Variants in LRRC4C observed in about 807,000 individuals in gnomAD.
The protein encoded by LRRC4C is leucine-rich repeat-containing protein 4C.
LRRC4C carries 5 observed loss-of-function variants against 33.6 expected under a neutral mutation model. The observed-to-expected ratio is 0.15, with a 90% CI of 0.08 to 0.31. The LOEUF is 0.31. LRRC4C is among the 10% of genes least tolerant of loss of function. The pLI, the probability that LRRC4C is intolerant of heterozygous loss-of-function variation, is 1.00. For missense variants in LRRC4C, 560 were observed against 796.7 expected, an observed-to-expected ratio of 0.70 and a Z score of 3.58; for synonymous variants, 329 against 302.0, an observed-to-expected ratio of 1.09 and a Z score of -0.93.
intron 1 of LRRC4C, among the ~76,000 whole-genome samples, chr11:41,106,813 T>C (rs1941524892): frequency 6.6e-6 from 1 of 151,796 alleles, no homozygotes; most frequent in African/African-American, 2.4e-5. Flanking sequence ...CCCAGGAGAT[T>C]GAGAACAGCC....
intron 3 of LRRC4C, among the ~76,000 whole-genome samples, chr11:40,640,877 G>A (rs1051136762): frequency 2.0e-5 from 3 of 151,958 alleles, no homozygotes; most frequent in Admixed American, 6.6e-5. Context: ...TCAGCCGGGC[G>A]TGGTGGCGGG....
rs1165446076 is a variant in LRRC4C at position 40,947,053 on chromosome 11, AT to A, written c.-495-13331del. On this transcript the variant is annotated intron_variant, in intron 1 of 6. Transcript: ENST00000528697. ...AGCGAAGTTAAGGCAGAAGTCGTAC[AT>A]TTTTTTTCTTTATCAGAGAAAGTTC... is the stretch of plus-strand genomic sequence containing the variant. Among the ~76,000 whole-genome samples, 4 of 152,086 alleles carry A rather than the reference AT, an allele frequency of 2.6e-5. No homozygotes were observed. In the East Asian group the frequency reaches 7.7e-4, roughly 29 times the overall value.
intron 1 of LRRC4C, among the ~76,000 whole-genome samples, chr11:40,936,472 G>A (rs987360787): frequency 6.6e-6 from 1 of 151,400 alleles, no homozygotes; most frequent in Non-Finnish European, 1.5e-5. Context: ...CGAGTACTGG[G>A]ACTACAGGCG....
chr11:40,146,573 G>A (rs998304236), intron 5 of LRRC4C, among the ~76,000 whole-genome samples: 2 of 152,110 alleles, frequency 1.3e-5, no homozygotes, highest in African/African-American at 4.8e-5. Flanking sequence ...AGCCCCCAAG[G>A]ATGCTGCATA....
intron 1 of LRRC4C, among the ~76,000 whole-genome samples, chr11:41,432,577 T>C (rs887644162): frequency 2.6e-5 from 4 of 152,106 alleles, no homozygotes; most frequent in African/African-American, 9.7e-5. Flanking sequence ...TATTTTATGA[T>C]TCTCAAAGTG....
chr11:41,425,100 G>T (rs1239425952), intron 1 of LRRC4C, among the ~76,000 whole-genome samples: 1 of 152,006 alleles, frequency 6.6e-6, no homozygotes, highest in East Asian at 1.9e-4. Flanking sequence ...ACCATCAAAA[G>T]TTAACTATTA....
chr11:41,079,489 T>C (rs1316646550), intron 1 of LRRC4C, among the ~76,000 whole-genome samples: 1 of 152,236 alleles, frequency 6.6e-6, no homozygotes, highest in Non-Finnish European at 1.5e-5. Context: ...CTATCTGCTA[T>C]ACAAATGCCT....
chr11:40,487,623 A>C (rs951968745), intron 3 of LRRC4C, among the ~76,000 whole-genome samples: 5 of 151,930 alleles, frequency 3.3e-5, no homozygotes, highest in Non-Finnish European at 7.4e-5. Context: ...ACAGATTTTA[A>C]AACCTGCCTC....
intron 3 of LRRC4C, among the ~76,000 whole-genome samples, chr11:40,554,937 G>A (rs1418470484): frequency 7.0e-6 from 1 of 143,512 alleles, no homozygotes; most frequent in South Asian, 2.1e-4. Flanking sequence ...TAGCCAGGAT[G>A]GTCTCGATCT....
chr11:40,411,922 A>C (rs2137648079), intron 3 of LRRC4C, among the ~76,000 whole-genome samples: 1 of 152,154 alleles, frequency 6.6e-6, no homozygotes, highest in Admixed American at 6.6e-5. Flanking sequence ...CTATGAGATT[A>C]GTTCTAATAC....
intron 4 of LRRC4C, among the ~76,000 whole-genome samples, chr11:40,313,384 A>T (rs963917543): frequency 1.3e-4 from 19 of 151,950 alleles, no homozygotes; most frequent in Non-Finnish European, 2.4e-4. Context: ...TCACATATCT[A>T]TAGCCAACTG....
At chr11:40,500,287 T>C (rs1187442497) in intron 3 of LRRC4C, among the ~76,000 whole-genome samples, 5 of 71,064 alleles carry the variant, frequency 7.0e-5, no homozygotes, top group South Asian at 9.6e-4. Flanking sequence ...TATATATATA[T>C]ATATATACAC....
At chr11:40,274,080 C>T (rs1393900231) in intron 4 of LRRC4C, among the ~76,000 whole-genome samples, 1 of 152,002 alleles carries the variant, frequency 6.6e-6, no homozygotes, top group Non-Finnish European at 1.5e-5. Context: ...GAGCTGTGGC[C>T]AGTAAGCTGG....
chr11:40,204,803 C>T (rs530562745), intron 5 of LRRC4C, among the ~76,000 whole-genome samples: 57 of 152,320 alleles, frequency 3.7e-4, no homozygotes, highest in African/African-American at 1.3e-3. Flanking sequence ...CTCCCTATTG[C>T]AATATCCTTG....
intron 3 of LRRC4C, among the ~76,000 whole-genome samples, chr11:40,596,599 C>G (rs1366381575): frequency 6.6e-6 from 1 of 151,714 alleles, no homozygotes; most frequent in African/African-American, 2.4e-5. Context: ...CCACTTTATC[C>G]ACCCCTCCCC....
intron 1 of LRRC4C, among the ~76,000 whole-genome samples, chr11:41,231,058 A>C (rs576950021): frequency 6.6e-4 from 100 of 152,268 alleles, no homozygotes; most frequent in Admixed American, 1.1e-3. Context: ...TCAAAACCAC[A>C]ATGAGATACC....
intron 2 of LRRC4C, among the ~76,000 whole-genome samples, chr11:40,705,452 C>A (rs1762622866): frequency 6.6e-6 from 1 of 151,952 alleles, no homozygotes; most frequent in South Asian, 2.1e-4. Context: ...TGAGAACATG[C>A]AGTGTTTGGT....
intron 4 of LRRC4C, among the ~76,000 whole-genome samples, chr11:40,288,017 T>A (rs1202684894): frequency 6.6e-6 from 1 of 152,214 alleles, no homozygotes; most frequent in Non-Finnish European, 1.5e-5. Flanking sequence ...TCATAGATGA[T>A]CCATTTAAAT....
intron 1 of LRRC4C, among the ~76,000 whole-genome samples, chr11:41,372,725 G>C (rs546747790): frequency 8.0e-5 from 12 of 149,936 alleles, no homozygotes; most frequent in African/African-American, 2.9e-4. Flanking sequence ...TTTGGGGCTA[G>C]GAGAGGTAAT....
Sources: allele counts gnomAD v4.1 joint callset (sites outside exome capture counted in the v4.1 genomes callset), GRCh38; gene constraint gnomAD v4.1.1; transcripts MANE v1.5; gene names NCBI Gene and HGNC (gene_info 2026-07-23, HGNC 2026-07-21).